The following GPR39 variants were observed in gnomAD, a reference collection of about 807,000 sequenced individuals.
GPR39 encodes G protein-coupled receptor 39.
Under a neutral mutation model 18.4 loss-of-function variants are expected in GPR39, and 23 were observed. The ratio of observed to expected loss-of-function variants is 1.25; its 90% CI spans 0.90 to 1.77. GPR39 has a LOEUF of 1.77. Ranked by LOEUF, GPR39 falls within the 40% of genes most tolerant of loss-of-function variation. The pLI, the probability that GPR39 is intolerant of heterozygous loss-of-function variation, is 0.00. For synonymous variants in GPR39, 280 were observed against 257.9 expected, an observed-to-expected ratio of 1.09 and a Z score of -0.82; for missense variants, 647 against 602.4, an observed-to-expected ratio of 1.07 and a Z score of -0.78.
At chr2:132,557,691 G>C (rs1680179713) in intron 1 of GPR39, among the ~76,000 whole-genome samples, 1 of 152,064 alleles carries the variant, frequency 6.6e-6, no homozygotes, top group Admixed American at 6.6e-5. Flanking sequence ...GCAGCCCTGA[G>C]CTTAAAAAAT....
chr2:132,447,445 A>G (rs903939674), intron 1 of GPR39, among the ~76,000 whole-genome samples: 15 of 152,160 alleles, frequency 9.9e-5, no homozygotes, highest in African/African-American at 3.6e-4. Context: ...TTCATTCTTA[A>G]CTGACATTTT....
In GPR39 at chr2:132,606,836, G is replaced by A. The variant is rs1002221060; in HGVS notation, c.857-38265G>A. ...GGTGGTCTTCCCCTGTGGTCGGGCC[G>A]CTCAATGGCCAAACTAACCTCCAAG... On this transcript the variant is annotated intron_variant, in intron 1 of 1. Transcript: ENST00000329321. Among the ~76,000 whole-genome samples the A allele has an allele frequency of 2.2e-4, 33 of 152,266 alleles. 1 individual carries two copies. The highest frequency in any genetic ancestry group is 6.5e-4 in the African/African-American group (27 of 41,558).
At chr2:132,419,559 C>A (rs540898819) in intron 1 of GPR39, among the ~76,000 whole-genome samples, 1 of 152,308 alleles carries the variant, frequency 6.6e-6, no homozygotes, top group African/African-American at 2.4e-5. Context: ...GCGTACCCAA[C>A]TCAGTCTATC....
At chr2:132,481,736 C>G (rs569322953) in intron 1 of GPR39, among the ~76,000 whole-genome samples, 4 of 152,248 alleles carry the variant, frequency 2.6e-5, no homozygotes, top group African/African-American at 9.6e-5. Context: ...ATATGTGACT[C>G]TGTAAGAAAT....
intron 1 of GPR39, among the ~76,000 whole-genome samples, chr2:132,582,928 TTTTTTTTTTG>T (rs1207286466): frequency 2.0e-5 from 3 of 149,296 alleles, no homozygotes; most frequent in African/African-American, 7.4e-5. Flanking sequence ...TTTTTTTTTT[TTTTTTTTTTG>T]GAGATAGGGT....
chr2:132,537,855 A>G (rs1679787203), intron 1 of GPR39, among the ~76,000 whole-genome samples: 1 of 151,748 alleles, frequency 6.6e-6, no homozygotes, highest in Non-Finnish European at 1.5e-5. Context: ...ATTCTTGTGT[A>G]TGCTTCACGA....
intron 1 of GPR39, among the ~76,000 whole-genome samples, chr2:132,519,718 A>T (rs905605232): frequency 1.3e-5 from 2 of 152,136 alleles, no homozygotes; most frequent in Admixed American, 1.3e-4. Flanking sequence ...GCAGCTACAA[A>T]CTAGGCTTCT....
intron 1 of GPR39, among the ~76,000 whole-genome samples, chr2:132,424,242 C>G (rs796568475): frequency 2.0e-4 from 30 of 152,284 alleles, no homozygotes; most frequent in African/African-American, 6.7e-4. Flanking sequence ...AATGATACAA[C>G]TCTACACATT....
chr2:132,553,456 A>G (rs1680092696), intron 1 of GPR39, among the ~76,000 whole-genome samples: 2 of 151,874 alleles, frequency 1.3e-5, no homozygotes, highest in Non-Finnish European at 2.9e-5. Context: ...CATTAGATGT[A>G]TGCTGAAAGA....
chr2:132,503,260 T>A (rs1372832940), intron 1 of GPR39, among the ~76,000 whole-genome samples: 1 of 151,842 alleles, frequency 6.6e-6, no homozygotes, highest in Non-Finnish European at 1.5e-5. Flanking sequence ...TCCCAAGGAG[T>A]GCTATTTTGA....
At chr2:132,460,200 G>A (rs1002548096) in intron 1 of GPR39, among the ~76,000 whole-genome samples, 4 of 152,142 alleles carry the variant, frequency 2.6e-5, no homozygotes, top group Non-Finnish European at 5.9e-5. Context: ...GGTTTAGTCC[G>A]ATGCCTGTGT....
At chr2:132,563,198 C>T (rs1680286235) in intron 1 of GPR39, among the ~76,000 whole-genome samples, 1 of 152,218 alleles carries the variant, frequency 6.6e-6, no homozygotes, top group Non-Finnish European at 1.5e-5. Flanking sequence ...GGCAGAACAA[C>T]AGTTTTCAAA....
At chr2:132,466,467 A>G (rs1680929122) in intron 1 of GPR39, among the ~76,000 whole-genome samples, 1 of 152,200 alleles carries the variant, frequency 6.6e-6, no homozygotes, top group Non-Finnish European at 1.5e-5. Flanking sequence ...AGGCTCCAGC[A>G]AACTTTGTAG....
chr2:132,645,119 T>C lies in GPR39; in HGVS notation c.875T>C (p.Leu292Ser). ...IIFLRLIVVT[L>S]AVCWMPNQIR... The stretch of plus-strand genomic sequence containing the variant: ...TGCCCAGGGCTGATTGTTGTGACAT[T>C]GGCCGTATGCTGGATGCCCAACCAG... The change falls in exon 2 of 2, where the codon TTG becomes TCG. Residue 292 changes from leucine to serine, a missense_variant. This residue lies in a region of GPR39 where 581 missense variants were observed against 506.8 expected (regional missense o/e 1.15). Coordinates refer to ENST00000329321, the MANE Select transcript of GPR39 (RefSeq NM_001508.3). The C allele has an allele frequency of 1.2e-6, 2 of 1,613,246 alleles. No homozygotes were observed. The highest frequency in any genetic ancestry group is 1.7e-6 in the Non-Finnish European group (2 of 1,179,530).
chr2:132,421,706 A>T (rs1469491864), intron 1 of GPR39, among the ~76,000 whole-genome samples: 1 of 152,206 alleles, frequency 6.6e-6, no homozygotes. Flanking sequence ...TAAGGTTGAT[A>T]TACATTTAGA....
chr2:132,555,431 C>T (rs1406770644), intron 1 of GPR39, among the ~76,000 whole-genome samples: 2 of 152,294 alleles, frequency 1.3e-5, no homozygotes, highest in Non-Finnish European at 2.9e-5. Flanking sequence ...CATCCAAAGG[C>T]TTTCCTGGGG....
chr2:132,622,659 G>A (rs1558862231), intron 1 of GPR39, among the ~76,000 whole-genome samples: 1 of 152,216 alleles, frequency 6.6e-6, no homozygotes, highest in Non-Finnish European at 1.5e-5. Flanking sequence ...TAGGTTTAGG[G>A]ATTCTTTTTG....
At chr2:132,490,760 G>T (rs1035217110) in intron 1 of GPR39, among the ~76,000 whole-genome samples, 17 of 152,042 alleles carry the variant, frequency 1.1e-4, no homozygotes, top group Non-Finnish European at 2.2e-4. Context: ...GAGTGGGTTT[G>T]CTTCTAGTAG....
intron 1 of GPR39, among the ~76,000 whole-genome samples, chr2:132,577,047 A>AT (rs372088161): frequency 5.3e-4 from 76 of 144,382 alleles, no homozygotes; most frequent in Admixed American, 9.7e-4. Context: ...AATTCCTCCC[A>AT]TTTTTTTTTT....
Sources: allele counts gnomAD v4.1 joint callset (sites outside exome capture counted in the v4.1 genomes callset), GRCh38; gene constraint gnomAD v4.1.1; regional missense constraint gnomAD v4.1.1; transcripts MANE v1.5; gene names NCBI Gene and HGNC (gene_info 2026-07-23, HGNC 2026-07-21).